Variants in DYNC2LI1 observed in about 807,000 individuals in gnomAD.
The protein encoded by DYNC2LI1 is dynein cytoplasmic 2 light intermediate chain 1.
A neutral mutation model predicts 51.9 loss-of-function variants in DYNC2LI1; 45 were observed. The ratio of observed to expected loss-of-function variants is 0.87; its 90% confidence interval spans 0.68 to 1.11. The LOEUF is 1.11. Ranked by LOEUF, DYNC2LI1 falls within the 50% of genes most tolerant of loss-of-function variation. The pLI, the probability that DYNC2LI1 is intolerant of heterozygous loss-of-function variation, is 0.00. For missense variants in DYNC2LI1, 490 were observed against 417.4 expected, an observed-to-expected ratio of 1.17 and a Z score of -1.51; for synonymous variants, 130 against 137.8, an observed-to-expected ratio of 0.94 and a Z score of 0.40.
chr2:43,823,791 T>C, the DYNC2LI1 span: 1 of 1,155,858 alleles, frequency 8.7e-7, no homozygotes, highest in Non-Finnish European at 1.2e-6. Flanking sequence ...AGAGGGAACC[T>C]GGAGAGGGCT....
chr2:43,789,760 G>A (rs370305575), intron 5 of DYNC2LI1, 39 bp downstream of exon 5: 10 of 1,568,432 alleles, frequency 6.4e-6, no homozygotes, highest in Middle Eastern at 1.7e-4. Context: ...TAAGTACACA[G>A]GAGTGTCCCT....
the DYNC2LI1 span, among the ~76,000 whole-genome samples, chr2:43,822,230 T>A: frequency 6.6e-6 from 1 of 152,156 alleles, no homozygotes; most frequent in Non-Finnish European, 1.5e-5. Flanking sequence ...CGAAGCTCTT[T>A]TTTGGGAAAT....
the DYNC2LI1 span, chr2:43,822,741 A>G: frequency 6.2e-7 from 1 of 1,610,602 alleles, no homozygotes; most frequent in Non-Finnish European, 8.5e-7. Flanking sequence ...CACGAGTCCC[A>G]CTAGCTCCAT....
At chr2:43,777,831 A>G (rs1673094526) in intron 2 of DYNC2LI1, among the ~76,000 whole-genome samples, 1 of 152,194 alleles carries the variant, frequency 6.6e-6, no homozygotes, top group South Asian at 2.1e-4. Context: ...AAGATTACAT[A>G]TATTGGGAGA....
chr2:43,813,108 G>A (rs1412542158), downstream of DYNC2LI1: 1 of 1,084,184 alleles, frequency 9.2e-7, no homozygotes, highest in Non-Finnish European at 1.4e-6. Context: ...TCCCAGCCAT[G>A]GCTTTCACTA....
intron 2 of DYNC2LI1, among the ~76,000 whole-genome samples, chr2:43,780,079 G>A (rs935985074): frequency 3.3e-5 from 5 of 152,236 alleles, no homozygotes; most frequent in Admixed American, 1.3e-4. Flanking sequence ...TGGAGTAGGA[G>A]CGACTGTTAG....
intron 7 of DYNC2LI1, 32 bp from the exon 8 acceptor site, chr2:43,796,686 T>C: frequency 6.7e-7 from 1 of 1,496,114 alleles, no homozygotes; most frequent in Non-Finnish European, 9.3e-7. Flanking sequence ...TATTTGGTTA[T>C]CTTGACTTTT....
chr2:43,804,537 T>C lies in DYNC2LI1; in HGVS notation c.803-105T>C, dbSNP rs1349386499. 1.2e-5 allele frequency: 9 copies of C among 720,472 alleles called. No individual in the cohort carries two copies. In the African/African-American group the frequency reaches 1.6e-4, roughly 13 times the overall value. The allele number at this position is 720,472 out of a possible 1,614,324, so 44.6% of individuals were successfully genotyped here. A position where few individuals can be genotyped will look rare whatever the true frequency, so the allele number is the denominator to read the frequency against. On this transcript the variant is annotated intron_variant, in intron 10 of 12. Transcript: ENST00000260605. ...GTGACTATATTAAGGAGAGGGAAAA[T>C]GAGTGATCCGAGATGTATACCTTTG...
chr2:43,794,249 G>C, intron 5 of DYNC2LI1: 1 of 484,500 alleles, frequency 2.1e-6, no homozygotes, highest in Non-Finnish European at 3.6e-6. Flanking sequence ...TTCCACTATT[G>C]TAACACTTAA....
At chr2:43,789,784 G>T in intron 5 of DYNC2LI1, 63 bp downstream of exon 5, 1 of 1,458,050 alleles carries the variant, frequency 6.9e-7, no homozygotes, top group South Asian at 1.3e-5. Context: ...AGGAATATGA[G>T]TTGGCTTTTC....
intron 5 of DYNC2LI1, chr2:43,792,816 G>T: frequency 6.6e-7 from 1 of 1,518,980 alleles, no homozygotes; most frequent in Non-Finnish European, 8.8e-7. Flanking sequence ...TCCGTTTGTA[G>T]TATGTGTCAG....
chr2:43,796,852 C>A, intron 8 of DYNC2LI1, 57 bp downstream of exon 8: 1 of 1,350,272 alleles, frequency 7.4e-7, no homozygotes, highest in Non-Finnish European at 1.1e-6. Context: ...TTGGGGAAAT[C>A]AGCAACTTGA....
At chr2:43,806,973 C>T (rs1015827781) in intron 12 of DYNC2LI1, among the ~76,000 whole-genome samples, 5 of 152,074 alleles carry the variant, frequency 3.3e-5, no homozygotes, top group African/African-American at 7.2e-5. Flanking sequence ...TGGTTTTAGA[C>T]GAATTGATTC....
chr2:43,803,966 TG>T (rs1666155248), intron 10 of DYNC2LI1, among the ~76,000 whole-genome samples: 2 of 152,240 alleles, frequency 1.3e-5, no homozygotes, highest in South Asian at 4.1e-4. Flanking sequence ...GGAGCAAATT[TG>T]TGTTCTTTCC....
At chr2:43,783,961 C>T (rs565320613) in intron 3 of DYNC2LI1, among the ~76,000 whole-genome samples, 15 of 152,212 alleles carry the variant, frequency 9.9e-5, no homozygotes, top group South Asian at 2.1e-4. Context: ...GATATTTTAT[C>T]ATTTATTTTA....
At chr2:43,823,269 TC>T in the DYNC2LI1 span, among the ~76,000 whole-genome samples, 1 of 140,054 alleles carries the variant, frequency 7.1e-6, no homozygotes, top group African/African-American at 2.7e-5. Flanking sequence ...TGTGCAGGAT[TC>T]CCCCCACCCC....
chr2:43,774,398 A>G (rs1306194842), intron 1 of DYNC2LI1, among the ~76,000 whole-genome samples: 1 of 152,246 alleles, frequency 6.6e-6, no homozygotes, highest in Non-Finnish European at 1.5e-5. Flanking sequence ...ATGATTGAAT[A>G]AAAGTTTCTT....
intron 7 of DYNC2LI1, 127 bp from the exon 8 acceptor site, chr2:43,796,591 A>G (rs1674046073): frequency 3.0e-6 from 2 of 668,866 alleles, no homozygotes; most frequent in African/African-American, 1.8e-5. Flanking sequence ...TATCAAGGTA[A>G]TGGAATCCTA....
chr2:43,800,841 T>A lies in DYNC2LI1; in HGVS notation c.655T>A (p.Phe219Ile), dbSNP rs1427716649. Residue 219 changes from phenylalanine (F) to isoleucine (I), a missense_variant and splice_region_variant, in exon 9 of 13, where the codon TTT (phenylalanine) becomes ATT (isoleucine). By Grantham distance (21) the Phe-to-Ile change is conservative. Transcript: ENST00000260605. ...VAHYYGASLM[F>I]TSKSEALLLK... ...ATTTGTTCTCCTGATTTGTTTAAAG[T>A]TTACCAGTAAATCAGAAGCTCTATT... 1 of 1,571,200 alleles carries A rather than the reference T, an allele frequency of 6.4e-7. No homozygotes were observed. Among genetic ancestry groups the A allele is most frequent in the Non-Finnish European group, 8.7e-7 (1 of 1,152,132 alleles).
Sources: allele counts gnomAD v4.1 joint callset (sites outside exome capture counted in the v4.1 genomes callset), GRCh38; gene constraint gnomAD v4.1.1; transcripts MANE v1.5; gene names NCBI Gene and HGNC (gene_info 2026-07-23, HGNC 2026-07-21).